MAPK8: variants seen among roughly 807,000 people sequenced by gnomAD.
The protein encoded by MAPK8 is JUN N-terminal kinase.
Under a neutral mutation model 52.9 loss-of-function variants are expected in MAPK8, and 13 were observed. The observed-to-expected ratio is 0.25, with a 90% CI of 0.16 to 0.39. MAPK8 has a LOEUF of 0.39. Ranked by LOEUF, MAPK8 falls within the 10% of genes least tolerant of loss-of-function variation. MAPK8 has a pLI of 1.00. For synonymous variants in MAPK8, 191 were observed against 169.8 expected (o/e 1.12, Z -0.97); for missense variants, 300 against 519.2 (o/e 0.58, Z 4.10).
chr10:48,363,472 GTGTT>G (rs1295951224), intron 1 of MAPK8, among the ~76,000 whole-genome samples: 1 of 152,170 alleles, frequency 6.6e-6, no homozygotes, highest in Non-Finnish European at 1.5e-5. Flanking sequence ...TAAAGGAAGA[GTGTT>G]TGTCCTTAGT....
intron 10 of MAPK8, among the ~76,000 whole-genome samples, chr10:48,427,596 A>G (rs1281657985): frequency 1.3e-5 from 2 of 151,986 alleles, no homozygotes; most frequent in Non-Finnish European, 2.9e-5. Context: ...GGTTCACGCC[A>G]TTCTCCTGCC....
At chr10:48,325,665 C>T (rs1261622456) in intron 1 of MAPK8, among the ~76,000 whole-genome samples, 2 of 152,298 alleles carry the variant, frequency 1.3e-5, no homozygotes, top group South Asian at 2.1e-4. Context: ...AGTATTGGTA[C>T]ATTATTAACT....
rs966626732 is a variant in MAPK8, at chr10:48,423,919, C to G, written c.617-169C>G. Among the ~76,000 whole-genome samples the G allele has an allele frequency of 2.6e-5, 4 of 152,244 alleles. No individual in the cohort carries two copies. The East Asian group carries it at 5.8e-4, about 22-fold the overall frequency. The stretch of plus-strand genomic sequence containing the variant: ...TTTACATTTTCTTTTGTGAACCAGA[C>G]TTTCAAAAAATAATTTGTGTTTTAA... On this transcript the variant is annotated intron_variant, in intron 6 of 11. Transcript: ENST00000374189.
chr10:48,381,111 C>T (rs143799042), intron 1 of MAPK8, among the ~76,000 whole-genome samples: 67 of 152,132 alleles, frequency 4.4e-4, no homozygotes, highest in Middle Eastern at 3.4e-3. Flanking sequence ...AAAGAGAAAA[C>T]GAAATCCTAC....
In MAPK8 at chr10:48,324,503, G is replaced by GTTTTTTTTTTTTTGGTTTTTTTTTTT. The variant is rs529248037; in HGVS notation, c.-50+17695_-50+17696insGGTTTTTTTTTTTTTTTTTTTTTTTT. 5.8e-4 allele frequency among the ~76,000 whole-genome samples: 69 copies of GTTTTTTTTTTTTTGGTTTTTTTTTTT among 118,000 alleles called. 3 individuals carry two copies. The highest frequency in any genetic ancestry group is 8.7e-4 in the South Asian group (3 of 3,432). 77.4% of individuals were successfully genotyped at this position (118,000 alleles called of 152,430 possible). Reference sequence around the variant, plus strand: ...TATACAACAGTTGTCCTGTTTTCTAGTTTTTTTTTTTTTTTTTACACTCAT... The same window carrying GTTTTTTTTTTTTTGGTTTTTTTTTTT: ...TATACAACAGTTGTCCTGTTTTCTAGTTTTTTTTTTTTTGGTTTTTTTTTTTTTTTTTTTTTTTTTTTTACACTCAT... On this transcript the variant is annotated intron_variant, in intron 1 of 11. Coordinates refer to ENST00000374189, the MANE Select transcript of MAPK8 (RefSeq NM_001323329.2).
intron 1 of MAPK8, among the ~76,000 whole-genome samples, chr10:48,345,305 C>G (rs1368451451): frequency 6.6e-6 from 1 of 152,172 alleles, no homozygotes. Context: ...TCTCTCTCAA[C>G]TATTGGGTAC....
chr10:48,329,849 T>C (rs781191504), intron 1 of MAPK8, among the ~76,000 whole-genome samples: 1 of 152,222 alleles, frequency 6.6e-6, no homozygotes, highest in Non-Finnish European at 1.5e-5. Flanking sequence ...AGTAAAACTT[T>C]CTGGTTCCCC....
intron 6 of MAPK8, among the ~76,000 whole-genome samples, chr10:48,421,849 T>C (rs1018252379): frequency 6.6e-6 from 1 of 152,026 alleles, no homozygotes; most frequent in African/African-American, 2.4e-5. Flanking sequence ...TGGTTCCTCT[T>C]TAGTTAAGAA....
intron 1 of MAPK8, among the ~76,000 whole-genome samples, chr10:48,329,184 G>C (rs74130246): frequency 6.6e-6 from 1 of 152,222 alleles, no homozygotes; most frequent in African/African-American, 2.4e-5. Context: ...AATCCAGACA[G>C]TTGGCTCCAG....
chr10:48,405,125 A>ATATATCTATC (rs780050363), intron 3 of MAPK8, 144 bp downstream of exon 3: 3 of 277,272 alleles, frequency 1.1e-5, no homozygotes, highest in African/African-American at 6.6e-5. Context: ...ATATATATAT[A>ATATATCTATC]TATCTACAGG....
intron 1 of MAPK8, among the ~76,000 whole-genome samples, chr10:48,394,449 A>G (rs2041788193): frequency 6.6e-6 from 1 of 151,920 alleles, no homozygotes; most frequent in Non-Finnish European, 1.5e-5. Flanking sequence ...TTTGAAAATC[A>G]ATCAGTGTAA....
chr10:48,426,471 CAAT>C lies in MAPK8; in HGVS notation c.964_966del (p.Asn322del). 6.2e-7 allele frequency: 1 copy of C among 1,611,910 alleles called. No individual in the cohort carries two copies. The highest frequency in any genetic ancestry group is 8.5e-7 in the Non-Finnish European group (1 of 1,179,160). ...ATGAAGCTCTCCAACACCCGTACAT[CAAT>C]GTCTGGTATGATCCTTCTGAAGCAG... On this transcript the variant is annotated inframe_deletion, in exon 9 of 12. Coordinates refer to ENST00000374189, the MANE Select transcript of MAPK8 (RefSeq NM_001323329.2).
At chr10:48,371,913 G>T (rs1003581011) in intron 1 of MAPK8, among the ~76,000 whole-genome samples, 1 of 152,216 alleles carries the variant, frequency 6.6e-6, no homozygotes, top group Admixed American at 6.6e-5. Context: ...ATATTACAGA[G>T]AATACAGATG....
chr10:48,414,333 A>G (rs1179919545), intron 5 of MAPK8, among the ~76,000 whole-genome samples: 1 of 152,072 alleles, frequency 6.6e-6, no homozygotes, highest in East Asian at 1.9e-4. Context: ...TTGGGTTGTT[A>G]CCACTGACTA....
chr10:48,321,097 T>TG (rs1302928037), intron 1 of MAPK8, among the ~76,000 whole-genome samples: 1 of 149,056 alleles, frequency 6.7e-6, no homozygotes, highest in Non-Finnish European at 1.5e-5. Context: ...GAGTTTTTTT[T>TG]TTTTTTTTTT....
At chr10:48,331,432 T>G (rs1844136513) in intron 1 of MAPK8, among the ~76,000 whole-genome samples, 1 of 152,204 alleles carries the variant, frequency 6.6e-6, no homozygotes, top group African/African-American at 2.4e-5. Flanking sequence ...GTTTTCTTTT[T>G]AGATTTTTCT....
chr10:48,419,159 G>A (rs1422355329), intron 5 of MAPK8, among the ~76,000 whole-genome samples: 8 of 151,980 alleles, frequency 5.3e-5, no homozygotes, highest in Non-Finnish European at 1.0e-4. Flanking sequence ...ATTGCCTGTC[G>A]AAATATGTTA....
intron 5 of MAPK8, among the ~76,000 whole-genome samples, chr10:48,412,350 TATTC>T (rs2042803624): frequency 6.6e-6 from 1 of 152,126 alleles, no homozygotes; most frequent in Admixed American, 6.5e-5. Flanking sequence ...TCCATCTTAG[TATTC>T]ATTCAGCAGC....
intron 1 of MAPK8, among the ~76,000 whole-genome samples, chr10:48,327,032 T>C (rs553683593): frequency 8.5e-5 from 13 of 152,358 alleles, no homozygotes; most frequent in African/African-American, 3.1e-4. Flanking sequence ...TTTTATTTCT[T>C]TTCCCCCCTC....
Sources: gnomAD v4.1 joint callset for allele counts (sites outside exome capture counted in the v4.1 genomes callset) on GRCh38, gnomAD v4.1.1 for gene constraint, MANE v1.5 for transcripts, NCBI Gene and HGNC (gene_info 2026-07-23, HGNC 2026-07-21) for gene names.